The following BAG3 variants were observed in gnomAD, a reference collection of about 807,000 sequenced individuals.
BAG3 encodes the protein BAG cochaperone 3.
In BAG3, 14 loss-of-function variants were observed where a neutral mutation model predicts 40.5. The observed-to-expected ratio is 0.35, with a 90% CI of 0.23 to 0.54. BAG3 has a LOEUF of 0.54. BAG3 is among the 20% of genes least tolerant of loss of function. BAG3 has a pLI of 0.91. For missense variants in BAG3, 788 were observed against 758.6 expected, an observed-to-expected ratio of 1.04 and a Z score of -0.46; for synonymous variants, 302 against 307.8, an observed-to-expected ratio of 0.98 and a Z score of 0.20.
At chr10:119,653,643 G>A (rs1846872704) in intron 1 of BAG3, among the ~76,000 whole-genome samples, 1 of 152,222 alleles carries the variant, frequency 6.6e-6, no homozygotes, top group African/African-American at 2.4e-5. Context: ...GAAGTCTGAT[G>A]CTGGGAAGAT....
Position 119,672,580 on chromosome 10 carries a change from G to A in BAG3, c.833G>A (p.Gly278Asp), listed in dbSNP as rs200232102. The A allele has an allele frequency of 1.2e-6, 2 of 1,614,068 alleles. No individual in the cohort carries two copies. Among genetic ancestry groups the A allele is most frequent in the Admixed American group, 1.7e-5 (1 of 60,026 alleles). Residue 278 changes from glycine to aspartate, a missense_variant, in exon 3 of 4, where the codon GGC becomes GAC. Transcript: ENST00000369085. The surrounding 1 kb of genome is among the most constrained non-coding windows in gnomAD (Gnocchi z 4.8). ...GTCCAGGGTGCATCGAGCCGGGAGG[G>A]CTCACCAGCCAGGAGCAGCACGCCA... is the stretch of plus-strand genomic sequence containing the variant. ...SSVQGASSRE[G>D]SPARSSTPLH...
At chr10:119,662,240 T>G (rs1692816139) in intron 1 of BAG3, among the ~76,000 whole-genome samples, 1 of 145,636 alleles carries the variant, frequency 6.9e-6, no homozygotes, top group South Asian at 2.2e-4. Flanking sequence ...TTTTTTTTTT[T>G]GTATTTTTAG....
Position 119,670,106 on chromosome 10 carries a change from C to T in BAG3, c.436C>T (p.Gln146Ter). The stretch of plus-strand genomic sequence containing the variant: ...TCTGCGGGGCATGCCAGAAACCACT[C>T]AGCCAGATAAACAGTGTGGACAGGT... ...SPLRGMPETT[Q>*]PDKQCGQVAA... Residue 146 changes from glutamine (Q) to a stop codon, truncating the protein, a stop_gained, in exon 2 of 4, where the codon CAG becomes TAG. Coordinates refer to ENST00000369085, the MANE Select transcript of BAG3 (RefSeq NM_004281.4). LOFTEE classifies it high-confidence loss of function. 1 of 1,613,678 alleles carries T rather than the reference C, an allele frequency of 6.2e-7. No individual in the cohort carries two copies. Among genetic ancestry groups the T allele is most frequent in the Non-Finnish European group, 8.5e-7 (1 of 1,179,622 alleles).
chr10:119,675,806 CCCCT>C (rs1847215859), intron 3 of BAG3, among the ~76,000 whole-genome samples: 1 of 76,052 alleles, frequency 1.3e-5, no homozygotes, highest in Non-Finnish European at 2.7e-5. Context: ...TTCCCCTTCC[CCCCT>C]TCCCTGCTTC....
chr10:119,662,126 C>T (rs1362513173), intron 1 of BAG3, among the ~76,000 whole-genome samples: 2 of 151,888 alleles, frequency 1.3e-5, no homozygotes, highest in East Asian at 3.9e-4. Flanking sequence ...CAGCTCACTG[C>T]AACCTCTGCC....
chr10:119,674,172 T>C (rs1847188870), intron 3 of BAG3, among the ~76,000 whole-genome samples: 1 of 152,230 alleles, frequency 6.6e-6, no homozygotes, highest in Non-Finnish European at 1.5e-5. Context: ...ACACCCTCTC[T>C]AAAGTGTTTC....
intron 3 of BAG3, among the ~76,000 whole-genome samples, chr10:119,674,550 G>A (rs1474943783): frequency 6.6e-6 from 1 of 152,178 alleles, no homozygotes; most frequent in African/African-American, 2.4e-5. Context: ...CGTTATAGTG[G>A]AATTGAGTGT....
chr10:119,670,689 A>G (rs957342393), intron 2 of BAG3, among the ~76,000 whole-genome samples: 1 of 152,202 alleles, frequency 6.6e-6, no homozygotes, highest in Non-Finnish European at 1.5e-5. Flanking sequence ...CGTGCACCAC[A>G]GTTTCAAAAG....
chr10:119,676,042 C>T (rs1847230374), intron 3 of BAG3, among the ~76,000 whole-genome samples: 1 of 148,128 alleles, frequency 6.8e-6, no homozygotes, highest in South Asian at 2.2e-4. Flanking sequence ...TCTTCCGCCT[C>T]AGCCTTCTGA....
chr10:119,672,848 C>T lies in BAG3; in HGVS notation c.909+192C>T, dbSNP rs975392172. 2.6e-5 allele frequency among the ~76,000 whole-genome samples: 4 copies of T among 152,156 alleles called. No homozygotes were observed. Among genetic ancestry groups the T allele is most frequent in the Admixed American group, 6.5e-5 (1 of 15,288 alleles). On this transcript the variant is annotated intron_variant, in intron 3 of 3. Transcript: ENST00000369085. The surrounding 1 kb of genome is among the most constrained non-coding windows in gnomAD (Gnocchi z 4.8). Reference sequence around the variant, plus strand: ...ACAGTTGCTCAGGCTGTGAACCCTCCGCACTCTGCAGCTTTTGCTGGGCTG... The same window carrying T: ...ACAGTTGCTCAGGCTGTGAACCCTCTGCACTCTGCAGCTTTTGCTGGGCTG...
At chr10:119,668,474 G>A (rs1847097854) in intron 1 of BAG3, among the ~76,000 whole-genome samples, 1 of 152,250 alleles carries the variant, frequency 6.6e-6, no homozygotes, top group Non-Finnish European at 1.5e-5. Flanking sequence ...CTTCTTAAGA[G>A]TTGCCTTACA....
At chr10:119,665,386 C>T (rs2134060387) in intron 1 of BAG3, among the ~76,000 whole-genome samples, 1 of 151,908 alleles carries the variant, frequency 6.6e-6, no homozygotes, top group South Asian at 2.1e-4. Context: ...GTGATCCACC[C>T]ACCTCAGCCT....
chr10:119,654,415 C>T (rs1015565084), intron 1 of BAG3, among the ~76,000 whole-genome samples: 3 of 152,102 alleles, frequency 2.0e-5, no homozygotes, highest in East Asian at 1.9e-4. Flanking sequence ...AATTTAATCA[C>T]GTTAGTAAGA....
intron 2 of BAG3, among the ~76,000 whole-genome samples, chr10:119,671,706 A>C (rs900519394): frequency 1.3e-5 from 2 of 152,148 alleles, no homozygotes; most frequent in Non-Finnish European, 2.9e-5. Context: ...AAAATGATTG[A>C]ATTACTAGGA....
At chr10:119,660,873 C>G (rs886167635) in intron 1 of BAG3, among the ~76,000 whole-genome samples, 2 of 150,798 alleles carry the variant, frequency 1.3e-5, no homozygotes, top group Non-Finnish European at 3.0e-5. Context: ...GCAGGAAGAT[C>G]ACTTGAGATC....
At chr10:119,671,830 C>T (rs771061502) in intron 2 of BAG3, among the ~76,000 whole-genome samples, 27 of 152,048 alleles carry the variant, frequency 1.8e-4, no homozygotes, top group Non-Finnish European at 4.0e-4. Context: ...TCTCTGTTGC[C>T]CAGACTGGAG....
Position 119,677,540 on chromosome 10 carries a change from C to G in BAG3, c.*258C>G. On this transcript the variant is annotated 3_prime_UTR_variant, in exon 4 of 4. Transcript: ENST00000369085. ...GTTGCTTGTTGTTCTGCAGCCCTGTCTACTTGGGCACCCCCACCACCTGTT... is the reference window on the plus strand; with the variant it reads ...GTTGCTTGTTGTTCTGCAGCCCTGTGTACTTGGGCACCCCCACCACCTGTT... 1 of 554,980 alleles carries G rather than the reference C, an allele frequency of 1.8e-6. No homozygotes were observed. Among genetic ancestry groups the G allele is most frequent in the Non-Finnish European group, 3.2e-6 (1 of 312,216 alleles). The allele number at this position is 554,980 out of a possible 1,614,324, so 34.4% of individuals were successfully genotyped here.
At chr10:119,674,267 G>A (rs750695735) in intron 3 of BAG3, among the ~76,000 whole-genome samples, 25 of 152,184 alleles carry the variant, frequency 1.6e-4, no homozygotes, top group Non-Finnish European at 2.6e-4. Context: ...CCAAAGTTGC[G>A]AATGTCTGCA....
At position 119,670,256 on chromosome 10, in the gene BAG3, A is replaced by G. The variant is rs935203068; in HGVS notation, c.507+79A>G. On this transcript the variant is annotated intron_variant, in intron 2 of 3. Coordinates refer to ENST00000369085, the MANE Select transcript of BAG3 (RefSeq NM_004281.4). ...CAGGCCGGGCCCATCCCCTCAGGAC[A>G]GTGCCCTGGGCCAGGCACCTGTTCA... is the stretch of plus-strand genomic sequence containing the variant. 8 of 1,454,586 alleles carry G rather than the reference A, an allele frequency of 5.5e-6. No homozygotes were observed. The African/African-American group carries it at 9.9e-5, about 18-fold the overall frequency. The allele number at this position is 1,454,586 out of a possible 1,614,324, so 90.1% of individuals were successfully genotyped here. A position where few individuals can be genotyped will look rare whatever the true frequency, so the allele number is the denominator to read the frequency against.
Sources: allele counts gnomAD v4.1 joint callset (sites outside exome capture counted in the v4.1 genomes callset), GRCh38; gene constraint gnomAD v4.1.1; non-coding constraint Gnocchi (gnomAD v3.1); transcripts MANE v1.5; gene names NCBI Gene and HGNC (gene_info 2026-07-23, HGNC 2026-07-21).